ZNF664: variants seen among roughly 807,000 people sequenced by gnomAD.
ZNF664 encodes the protein zinc finger Organ of Corti 1.
ZNF664 carries 10 observed loss-of-function variants against 18.2 expected under a neutral mutation model. The observed-to-expected ratio is 0.55, with a 90% CI of 0.34 to 0.93. The LOEUF is 0.93. Ranked by LOEUF, ZNF664 falls within the 40% of genes least tolerant of loss-of-function variation. ZNF664 has a pLI of 0.02. For missense variants in ZNF664, 193 were observed against 319.0 expected, an observed-to-expected ratio of 0.61 and a Z score of 3.01; for synonymous variants, 119 against 104.2, an observed-to-expected ratio of 1.14 and a Z score of -0.86.
At chr12:123,973,726 C>T in intron 1 of ZNF664, 160 bp from the exon 2 acceptor site, 7 of 1,185,114 alleles carry the variant, frequency 5.9e-6, no homozygotes, top group Non-Finnish European at 7.4e-6. Flanking sequence ...TTGTTGGAGC[C>T]GAGGGAAGGG....
intron 2 of ZNF664, among the ~76,000 whole-genome samples, chr12:123,975,875 A>G (rs1956684899): frequency 6.6e-6 from 1 of 152,230 alleles, no homozygotes. Flanking sequence ...TGGCAGCAGC[A>G]GATTCAGATT....
At chr12:123,994,055 G>A (rs1216543834) in intron 3 of ZNF664, among the ~76,000 whole-genome samples, 1 of 152,132 alleles carries the variant, frequency 6.6e-6, no homozygotes, top group Non-Finnish European at 1.5e-5. Context: ...TTCTTGTAGT[G>A]TTTAGGTCTC....
chr12:123,988,255 A>C (rs1163648444), intron 3 of ZNF664, 117 bp downstream of exon 3: 8 of 953,336 alleles, frequency 8.4e-6, no homozygotes, highest in African/African-American at 3.4e-5. Context: ...CTCAGTGAGG[A>C]AGCAGCTCTC....
At chr12:123,981,786 A>G (rs1400716681) in intron 2 of ZNF664, among the ~76,000 whole-genome samples, 2 of 152,216 alleles carry the variant, frequency 1.3e-5, no homozygotes, top group Non-Finnish European at 2.9e-5. Flanking sequence ...TACAGTACAC[A>G]TGTTTTGCTG....
chr12:123,984,666 T>C (rs75696312), intron 2 of ZNF664, among the ~76,000 whole-genome samples: 85 of 151,960 alleles, frequency 5.6e-4, no homozygotes, highest in African/African-American at 2.0e-3. Flanking sequence ...GGAGATCTGT[T>C]GAGGGAAGAA....
Position 124,014,657 on chromosome 12 carries a change from G to A in ZNF664, c.*1727G>A, listed in dbSNP as rs1359533417. 2 of 167,028 alleles carry A rather than the reference G, an allele frequency of 1.2e-5. No homozygotes were observed. Among genetic ancestry groups the A allele is most frequent in the African/African-American group, 4.8e-5 (2 of 41,422 alleles). The allele number at this position is 167,028 out of a possible 1,614,324, so 10.3% of individuals were successfully genotyped here. ...GTGTCTGTCAGCTGTCTAAGAGGTT[G>A]GAAAATGAACTACTCAAGATAGTCA... On this transcript the variant is annotated 3_prime_UTR_variant, in exon 5 of 5. Coordinates refer to ENST00000337815, the MANE Select transcript of ZNF664 (RefSeq NM_152437.3).
At chr12:123,996,856 TGTATTATATAC>T (rs2138396655) in intron 3 of ZNF664, among the ~76,000 whole-genome samples, 1 of 152,322 alleles carries the variant, frequency 6.6e-6, no homozygotes, top group East Asian at 1.9e-4. Context: ...CCATGTTATA[TGTATTATATAC>T]AAAACCCCCA....
chr12:124,006,937 C>T lies in ZNF664; in HGVS notation c.-660-4444C>T, dbSNP rs576016027. ...CTGGAGTGAGAGATAGCCTTGGGAA[C>T]GTGGTGTGTTCAGGATCTGTGAGCT... is the stretch of plus-strand genomic sequence containing the variant. On this transcript the variant is annotated intron_variant, in intron 3 of 4. Transcript: ENST00000337815. Among the ~76,000 whole-genome samples, 144 of 152,172 alleles carry T rather than the reference C, an allele frequency of 9.5e-4. 2 individuals are homozygous for T. The Middle Eastern group carries it at 0.014, about 14-fold the overall frequency.
chr12:124,011,965 A>G lies in ZNF664; in HGVS notation c.-180A>G. 7.0e-7 allele frequency: 1 copy of G among 1,426,602 alleles called. No homozygotes were observed. The highest frequency in any genetic ancestry group is 9.1e-7 in the Non-Finnish European group (1 of 1,099,220). The allele number at this position is 1,426,602 out of a possible 1,614,324, so 88.4% of individuals were successfully genotyped here. On this transcript the variant is annotated 5_prime_UTR_variant, in exon 5 of 5. Transcript: ENST00000337815. The stretch of plus-strand genomic sequence containing the variant: ...GAGTGAGGAACACTATGCAGGAAGA[A>G]ACCTTCCGTAGAAAGACAGGCAGGG...
intron 3 of ZNF664, 103 bp from the exon 4 acceptor site, chr12:124,011,278 G>C (rs1264261461): frequency 2.0e-6 from 2 of 976,268 alleles, no homozygotes; most frequent in Admixed American, 6.4e-5. Flanking sequence ...TTTCAATAAT[G>C]TTCCCCTTGA....
chr12:123,978,607 A>G (rs566889228), intron 2 of ZNF664, among the ~76,000 whole-genome samples: 3 of 152,344 alleles, frequency 2.0e-5, no homozygotes, highest in African/African-American at 7.2e-5. Context: ...ATTTCAATGT[A>G]ATTACAATTG....
At chr12:123,992,225 G>T (rs892931730) in intron 3 of ZNF664, among the ~76,000 whole-genome samples, 10 of 152,146 alleles carry the variant, frequency 6.6e-5, no homozygotes, top group African/African-American at 2.4e-4. Context: ...GTAGGAAAGT[G>T]GTCTGAGGGT....
intron 3 of ZNF664, chr12:123,998,545 C>A (rs181492707): frequency 6.6e-6 from 1 of 152,486 alleles, no homozygotes; most frequent in East Asian, 1.9e-4. Context: ...GCCTCCTGTT[C>A]TTTATGTGGC....
chr12:124,013,726 T>G lies in ZNF664; in HGVS notation c.*796T>G, dbSNP rs1020219675. The G allele has an allele frequency of 2.4e-5, 4 of 167,138 alleles. No individual in the cohort carries two copies. The East Asian group carries it at 7.7e-4, about 32-fold the overall frequency. 10.4% of individuals were successfully genotyped at this position (167,138 alleles called of 1,614,324 possible). Reference sequence around the variant, plus strand: ...AGCAGGGAGGAAGAAGCAAGCAAAGTGAGAGCTTTTCTTCATCCAGAATTG... The same window carrying G: ...AGCAGGGAGGAAGAAGCAAGCAAAGGGAGAGCTTTTCTTCATCCAGAATTG... On this transcript the variant is annotated 3_prime_UTR_variant, in exon 5 of 5. Transcript: ENST00000337815.
intron 2 of ZNF664, among the ~76,000 whole-genome samples, chr12:123,985,685 C>T (rs144693454): frequency 6.6e-5 from 10 of 152,256 alleles, no homozygotes; most frequent in African/African-American, 1.7e-4. Context: ...CCAGTTTGAG[C>T]GGCCAGGCGT....
chr12:123,984,086 G>A (rs1956797287), intron 2 of ZNF664, among the ~76,000 whole-genome samples: 1 of 152,212 alleles, frequency 6.6e-6, no homozygotes. Flanking sequence ...TCCTAGCAAA[G>A]CTTTCTTTCA....
At chr12:124,002,139 A>G (rs1594567908) in intron 3 of ZNF664, among the ~76,000 whole-genome samples, 1 of 152,214 alleles carries the variant, frequency 6.6e-6, no homozygotes, top group East Asian at 1.9e-4. Context: ...CTAGGAAGAC[A>G]ACGCATGTGC....
intron 2 of ZNF664, among the ~76,000 whole-genome samples, chr12:123,979,282 T>G (rs1024591911): frequency 6.6e-6 from 1 of 152,210 alleles, no homozygotes; most frequent in Non-Finnish European, 1.5e-5. Flanking sequence ...GAATAGTTCT[T>G]AGATAAATGT....
At chr12:123,987,378 C>G (rs1421070798) in intron 2 of ZNF664, among the ~76,000 whole-genome samples, 1 of 152,156 alleles carries the variant, frequency 6.6e-6, no homozygotes, top group Non-Finnish European at 1.5e-5. Flanking sequence ...TAGAATATAG[C>G]AGAGGCGGGG....
Sources: allele counts gnomAD v4.1 joint callset (sites outside exome capture counted in the v4.1 genomes callset), GRCh38; gene constraint gnomAD v4.1.1; transcripts MANE v1.5; gene names NCBI Gene and HGNC (gene_info 2026-07-23, HGNC 2026-07-21).